Variants in FHIT observed in about 807,000 individuals in gnomAD.
FHIT encodes bis(5'-adenosyl)-triphosphatase.
A neutral mutation model predicts 17.9 loss-of-function variants in FHIT; 19 were observed. The observed-to-expected ratio is 1.06, with a 90% CI of 0.74 to 1.56. The LOEUF (loss-of-function observed/expected upper bound fraction) is 1.56. FHIT is among the 40% of genes most tolerant of loss of function. The pLI, the probability that FHIT is intolerant of heterozygous loss-of-function variation, is 0.00. For missense variants in FHIT, 248 were observed against 189.2 expected (o/e 1.31, Z -1.82); for synonymous variants, 81 against 69.7 (o/e 1.16, Z -0.81).
intron 5 of FHIT, among the ~76,000 whole-genome samples, chr3:60,462,481 G>A (rs374947142): frequency 6.6e-6 from 1 of 152,190 alleles, no homozygotes; most frequent in Non-Finnish European, 1.5e-5. Context: ...AAGGCATGGG[G>A]TGTGAAAAGA....
chr3:59,949,517 G>A (rs10470622), intron 7 of FHIT, among the ~76,000 whole-genome samples: 138,883 of 152,292 alleles, frequency 0.91, 63,996 homozygotes, highest in East Asian at 1. Flanking sequence ...CCATGGATAC[G>A]CAGGCTTGGG....
intron 5 of FHIT, among the ~76,000 whole-genome samples, chr3:60,291,208 C>G (rs558741075): frequency 1.3e-5 from 2 of 152,100 alleles, no homozygotes; most frequent in Admixed American, 6.6e-5. Context: ...GTTGCCGGTC[C>G]ACAGGGAAAT....
At chr3:60,109,393 A>G (rs1704572420) in intron 5 of FHIT, among the ~76,000 whole-genome samples, 2 of 152,106 alleles carry the variant, frequency 1.3e-5, no homozygotes, top group South Asian at 4.2e-4. Context: ...CAAAAGTGAA[A>G]TATTTCCCAC....
intron 1 of FHIT, among the ~76,000 whole-genome samples, chr3:61,221,789 C>T (rs530922751): frequency 6.6e-6 from 1 of 152,326 alleles, no homozygotes; most frequent in African/African-American, 2.4e-5. Flanking sequence ...ACCAGCTCCC[C>T]ATTTGGTTTC....
At chr3:60,380,014 C>G (rs938754789) in intron 5 of FHIT, among the ~76,000 whole-genome samples, 3 of 152,158 alleles carry the variant, frequency 2.0e-5, no homozygotes, top group Admixed American at 2.0e-4. Context: ...GTTATGTGAT[C>G]CATTCACTAT....
intron 5 of FHIT, among the ~76,000 whole-genome samples, chr3:60,017,338 C>T (rs760855357): frequency 6.6e-6 from 1 of 151,990 alleles, no homozygotes; most frequent in Non-Finnish European, 1.5e-5. Context: ...AACAGAGAAT[C>T]GTAAGATCAA....
At chr3:60,203,818 A>G (rs1373864381) in intron 5 of FHIT, among the ~76,000 whole-genome samples, 1 of 152,190 alleles carries the variant, frequency 6.6e-6, no homozygotes, top group Non-Finnish European at 1.5e-5. Context: ...CTAAAAGAAA[A>G]AAATGGGGGC....
intron 8 of FHIT, among the ~76,000 whole-genome samples, chr3:59,758,717 G>T (rs1315100655): frequency 2.6e-5 from 4 of 152,102 alleles, no homozygotes; most frequent in Non-Finnish European, 4.4e-5. Flanking sequence ...ATCATGTCAA[G>T]TCTCCTTTTA....
At chr3:59,901,459 A>T (rs1341903766) in intron 8 of FHIT, among the ~76,000 whole-genome samples, 1 of 152,214 alleles carries the variant, frequency 6.6e-6, no homozygotes, top group African/African-American at 2.4e-5. Context: ...TTATATGGGC[A>T]CAGAATCTGA....
At chr3:60,689,382 TA>T (rs1403833984) in intron 4 of FHIT, among the ~76,000 whole-genome samples, 1 of 152,220 alleles carries the variant, frequency 6.6e-6, no homozygotes, top group Non-Finnish European at 1.5e-5. Flanking sequence ...CATTATTCCC[TA>T]AACAATACAA....
At chr3:59,903,391 A>G (rs1016474666) in intron 8 of FHIT, among the ~76,000 whole-genome samples, 1 of 152,166 alleles carries the variant, frequency 6.6e-6, no homozygotes, top group Admixed American at 6.5e-5. Context: ...ATATACCTGA[A>G]ATCACTGAAT....
intron 5 of FHIT, among the ~76,000 whole-genome samples, chr3:60,382,250 G>T (rs995792231): frequency 6.6e-6 from 1 of 152,160 alleles, no homozygotes; most frequent in Non-Finnish European, 1.5e-5. Flanking sequence ...TTGCGGAGTG[G>T]TGCCCACATA....
At chr3:60,824,228 A>G (rs560177430) in intron 3 of FHIT, among the ~76,000 whole-genome samples, 30 of 152,352 alleles carry the variant, frequency 2.0e-4, no homozygotes, top group Admixed American at 2.0e-3. Context: ...GGTGCTAGCC[A>G]GGTAGCACAC....
chr3:60,879,637 A>T (rs1042010440), intron 3 of FHIT, among the ~76,000 whole-genome samples: 2 of 152,218 alleles, frequency 1.3e-5, no homozygotes, highest in African/African-American at 4.8e-5. Context: ...ACTCAACAAG[A>T]TACAAGAAAA....
intron 4 of FHIT, among the ~76,000 whole-genome samples, chr3:60,707,015 A>G (rs2041390226): frequency 6.6e-6 from 1 of 152,174 alleles, no homozygotes; most frequent in East Asian, 1.9e-4. Context: ...GAATAACAAC[A>G]CTGCCTTCTG....
intron 5 of FHIT, among the ~76,000 whole-genome samples, chr3:60,036,785 G>T (rs1012344630): frequency 6.6e-6 from 1 of 151,760 alleles, no homozygotes; most frequent in African/African-American, 2.4e-5. Flanking sequence ...TTGTTTGTTT[G>T]TTTTTGCTCT....
intron 2 of FHIT, among the ~76,000 whole-genome samples, chr3:61,082,692 C>T (rs1161714455): frequency 6.6e-6 from 1 of 152,192 alleles, no homozygotes; most frequent in Non-Finnish European, 1.5e-5. Context: ...ATACCCTTGC[C>T]AACACTTAGT....
chr3:60,324,441 C>T (rs949524895), intron 5 of FHIT, among the ~76,000 whole-genome samples: 4 of 151,902 alleles, frequency 2.6e-5, no homozygotes, highest in East Asian at 1.9e-4. Context: ...AAAAATTAGC[C>T]GGGCGTGGTG....
At position 60,094,762 on chromosome 3, in the gene FHIT, G is replaced by A. The variant is rs140209564; in HGVS notation, c.104-80610C>T. Among the ~76,000 whole-genome samples, 1,069 of 151,796 alleles carry A rather than the reference G, an allele frequency of 7.0e-3. 8 individuals carry two copies. The highest frequency in any genetic ancestry group is 0.025 in the African/African-American group (1,018 of 41,322). ...TGCTGCTGGCACTGTGCCACCATTT[G>A]CAGGTGAGGGAGGGAAGGGAAGGGA... On this transcript the variant is annotated intron_variant, in intron 5 of 9. Transcript: ENST00000492590.
Sources: allele counts gnomAD v4.1 joint callset (sites outside exome capture counted in the v4.1 genomes callset), GRCh38; gene constraint gnomAD v4.1.1; transcripts MANE v1.5; gene names NCBI Gene and HGNC (gene_info 2026-07-23, HGNC 2026-07-21).